ITGA6: variants seen among roughly 807,000 people sequenced by gnomAD.
The protein encoded by ITGA6 is integrin subunit alpha 6.
Under a neutral mutation model 133.6 loss-of-function variants are expected in ITGA6, and 63 were observed. The ratio of observed to expected loss-of-function variants is 0.47; its 90% CI spans 0.38 to 0.58. The LOEUF (loss-of-function observed/expected upper bound fraction) is 0.58. ITGA6 is among the 20% of genes least tolerant of loss of function. The pLI is 0.00. For synonymous variants in ITGA6, 434 were observed against 482.0 expected (o/e 0.90, Z 1.30); for missense variants, 1,068 against 1,309.4 (o/e 0.82, Z 2.85).
chr2:172,487,970 T>C lies in ITGA6; in HGVS notation c.2334T>C (p.Asn778=). Residue 778 remains asparagine, a synonymous_variant, in exon 18 of 26, where the codon AAT becomes AAC. Transcript: ENST00000684293. ...DINLKLETTS[N]QDNLAPITAK... is the part of the protein sequence containing the mutation. Reference sequence around the variant, plus strand: ...TCCTTTTCATTTTCAGAACAAGCAATCAAGATAATTTGGCTCCAATTACAG... The same window carrying C: ...TCCTTTTCATTTTCAGAACAAGCAACCAAGATAATTTGGCTCCAATTACAG... The C allele has an allele frequency of 1.9e-6, 3 of 1,613,498 alleles. No homozygotes were observed. Among genetic ancestry groups the C allele is most frequent in the Non-Finnish European group, 2.5e-6 (3 of 1,179,474 alleles).
intron 23 of ITGA6, among the ~76,000 whole-genome samples, chr2:172,495,191 C>T (rs1203663639): frequency 1.3e-5 from 2 of 152,202 alleles, no homozygotes; most frequent in Non-Finnish European, 2.9e-5. Flanking sequence ...GTAGTCTCAG[C>T]ACTGCTCACT....
intron 1 of ITGA6, among the ~76,000 whole-genome samples, chr2:172,463,025 C>T (rs1248523660): frequency 1.3e-5 from 2 of 152,158 alleles, no homozygotes; most frequent in Non-Finnish European, 2.9e-5. Context: ...GTGCTGGTGC[C>T]CACAGCACTC....
At chr2:172,436,021 A>G (rs769112845) in intron 1 of ITGA6, among the ~76,000 whole-genome samples, 1 of 152,158 alleles carries the variant, frequency 6.6e-6, no homozygotes, top group Non-Finnish European at 1.5e-5. Context: ...GATATTATTA[A>G]TATTTGCCAG....
At chr2:172,473,994 A>G (rs887147852) in intron 5 of ITGA6, 61 bp from the exon 6 acceptor site, 91 of 1,202,478 alleles carry the variant, frequency 7.6e-5, no homozygotes, top group East Asian at 9.5e-5. Context: ...GGAGTTACCA[A>G]TGTCATAGGC....
intron 6 of ITGA6, 71 bp from the exon 7 acceptor site, chr2:172,474,858 T>G (rs1686097302): frequency 2.5e-6 from 2 of 802,844 alleles, no homozygotes; most frequent in South Asian, 2.7e-5. Context: ...TTTGTATCCT[T>G]AGTACCTAGA....
Position 172,469,137 on chromosome 2 carries a change from C to G in ITGA6, c.400C>G (p.Arg134Gly), listed in dbSNP as rs866151033. 3 of 1,613,932 alleles carry G rather than the reference C, an allele frequency of 1.9e-6. No homozygotes were observed. The highest frequency in any genetic ancestry group is 1.7e-5 in the Admixed American group (1 of 60,010). Residue 134 changes from arginine to glycine, a missense_variant, in exon 4 of 26, where the codon CGA becomes GGA. Arg to Gly is a moderately radical substitution (Grantham distance 125). Around this residue, in one of 3 missense-constraint regions of ITGA6, gnomAD observed 317 missense variants for 456.9 expected, o/e 0.69. Coordinates refer to ENST00000684293, the MANE Select transcript of ITGA6 (RefSeq NM_000210.4). ...PGGKVVTCAH[R>G]YEKRQHVNTK... is the part of the protein sequence containing the mutation. Reference sequence around the variant, plus strand: ...CATCTGCTTGCAGACATGTGCTCACCGATATGAAAAAAGGCAGCATGTTAA... The same window carrying G: ...CATCTGCTTGCAGACATGTGCTCACGGATATGAAAAAAGGCAGCATGTTAA...
chr2:172,503,907 C>A, intron 25 of ITGA6, 184 bp from the exon 26 acceptor site: 1 of 408,828 alleles, frequency 2.4e-6, no homozygotes, highest in Non-Finnish European at 4.4e-6. Flanking sequence ...TGTTCTCTTC[C>A]GTTGATCCCC....
At chr2:172,476,534 G>T (rs758242254) in intron 9 of ITGA6, 21 bp downstream of exon 9, 28 of 1,345,096 alleles carry the variant, frequency 2.1e-5, no homozygotes, top group African/African-American at 2.9e-5. Context: ...TATGATTTTA[G>T]TGTTAAGCAT....
chr2:172,479,403 C>T (rs1686326236), intron 9 of ITGA6, among the ~76,000 whole-genome samples: 1 of 152,226 alleles, frequency 6.6e-6, no homozygotes. Context: ...ACATGTTGCA[C>T]ATGTACTCAT....
intron 1 of ITGA6, among the ~76,000 whole-genome samples, chr2:172,446,152 A>G (rs1684759805): frequency 6.6e-6 from 1 of 152,254 alleles, no homozygotes; most frequent in Non-Finnish European, 1.5e-5. Context: ...AACTGTGACC[A>G]TATTAATTTC....
At chr2:172,483,228 G>A (rs1229011084) in intron 11 of ITGA6, among the ~76,000 whole-genome samples, 1 of 152,152 alleles carries the variant, frequency 6.6e-6, no homozygotes, top group Non-Finnish European at 1.5e-5. Context: ...AAGACAGCTG[G>A]CTGAGGGAAG....
Position 172,474,077 on chromosome 2 carries a change from A to G in ITGA6, c.798A>G (p.Lys266=), listed in dbSNP as rs773979937. The change falls in exon 6 of 26, where the codon AAA becomes AAG. Residue 266 remains lysine (K), a synonymous_variant. Coordinates refer to ENST00000684293, the MANE Select transcript of ITGA6 (RefSeq NM_000210.4). ...SYLGFSLDSG[K]GIVSKDEITF... is the part of the protein sequence containing the mutation. ...TAGGTTTTTCTTTGGACTCAGGGAA[A>G]GGTATTGTTTCTAAAGATGAGATCA... The G allele has an allele frequency of 9.3e-6, 15 of 1,613,134 alleles. No homozygotes were observed. The highest frequency in any genetic ancestry group is 1.2e-5 in the Non-Finnish European group (14 of 1,179,888).
At chr2:172,433,949 G>A (rs1417553614) in intron 1 of ITGA6, among the ~76,000 whole-genome samples, 1 of 152,148 alleles carries the variant, frequency 6.6e-6, no homozygotes, top group African/African-American at 2.4e-5. Context: ...GGGTGGTGCA[G>A]TTATAGGTTG....
At chr2:172,428,119 G>A in intron 1 of ITGA6, 149 bp downstream of exon 1, 1 of 656,602 alleles carries the variant, frequency 1.5e-6, no homozygotes, top group Non-Finnish European at 2.1e-6. Flanking sequence ...CGCCCAGCGC[G>A]CTCGGCTCCC....
chr2:172,457,346 C>T (rs1248455907), intron 1 of ITGA6, among the ~76,000 whole-genome samples: 1 of 146,210 alleles, frequency 6.8e-6, no homozygotes, highest in Non-Finnish European at 1.5e-5. Flanking sequence ...ACATTCAATA[C>T]TCATTCCTCA....
intron 9 of ITGA6, among the ~76,000 whole-genome samples, chr2:172,479,390 CCCA>C (rs1686325238): frequency 6.6e-6 from 1 of 152,156 alleles, no homozygotes; most frequent in African/African-American, 2.4e-5. Flanking sequence ...TACTTTAACC[CCCA>C]CATGTTGCAC....
At chr2:172,488,104 C>T in intron 18 of ITGA6, 22 bp from the exon 19 acceptor site, 1 of 1,609,856 alleles carries the variant, frequency 6.2e-7, no homozygotes, top group East Asian at 2.2e-5. Context: ...CTCATTAAAA[C>T]TGGTGTTTTT....
At chr2:172,475,455 C>A in intron 7 of ITGA6, 142 bp from the exon 8 acceptor site, 1 of 688,092 alleles carries the variant, frequency 1.5e-6, no homozygotes, top group Non-Finnish European at 2.6e-6. Flanking sequence ...AGGAGCGAAA[C>A]TCCATCTCAA....
chr2:172,440,142 C>T (rs1056412307), intron 1 of ITGA6, among the ~76,000 whole-genome samples: 6 of 152,170 alleles, frequency 3.9e-5, no homozygotes, highest in South Asian at 2.1e-4. Flanking sequence ...TGCTAAATCC[C>T]GTGCATATGG....
Sources: allele counts gnomAD v4.1 joint callset (sites outside exome capture counted in the v4.1 genomes callset), GRCh38; gene constraint gnomAD v4.1.1; regional missense constraint gnomAD v4.1.1; transcripts MANE v1.5; gene names NCBI Gene and HGNC (gene_info 2026-07-23, HGNC 2026-07-21).